Variants in RAB7A observed in about 807,000 individuals in gnomAD.
The protein encoded by RAB7A is RAB7A, member RAS oncogene family, also known as ras-related protein Rab-7a.
RAB7A carries 2 observed loss-of-function variants against 24.5 expected under a neutral mutation model. The ratio of observed to expected loss-of-function variants is 0.08; its 90% CI spans 0.03 to 0.26. RAB7A has a LOEUF of 0.26. RAB7A is among the 10% of genes least tolerant of loss of function. The pLI is 1.00. For missense variants in RAB7A, 118 were observed against 255.7 expected (o/e 0.46, Z 3.67); for synonymous variants, 100 against 95.9 (o/e 1.04, Z -0.25).
At chr3:128,764,561 C>T (rs1042685063) in intron 1 of RAB7A, 11 of 1,365,486 alleles carry the variant, frequency 8.1e-6, no homozygotes, top group South Asian at 3.5e-5. Flanking sequence ...AAGTTGGTCA[C>T]GTGGTCACCC....
At chr3:128,736,316 A>G (rs947009370) in intron 1 of RAB7A, among the ~76,000 whole-genome samples, 4 of 152,232 alleles carry the variant, frequency 2.6e-5, no homozygotes, top group African/African-American at 9.6e-5. Flanking sequence ...GCGGAAGAAC[A>G]GCCTTTGTAC....
intron 2 of RAB7A, among the ~76,000 whole-genome samples, chr3:128,795,912 C>T (rs913368097): frequency 4.0e-5 from 6 of 151,636 alleles, no homozygotes; most frequent in East Asian, 2.0e-4. Context: ...CCACCACGCC[C>T]GGCTAGTTTT....
intron 1 of RAB7A, among the ~76,000 whole-genome samples, chr3:128,773,985 TTG>T (rs1933018372): frequency 6.6e-6 from 1 of 151,490 alleles, no homozygotes; most frequent in African/African-American, 2.4e-5. Flanking sequence ...CCGGAGACCT[TTG>T]TTCACTTGTT....
chr3:128,813,629 T>C lies in RAB7A; in HGVS notation c.*207T>C. 1 of 594,452 alleles carries C rather than the reference T, an allele frequency of 1.7e-6. No individual in the cohort carries two copies. The highest frequency in any genetic ancestry group is 3.1e-6 in the Non-Finnish European group (1 of 322,092). The allele number at this position is 594,452 out of a possible 1,614,324, so 36.8% of individuals were successfully genotyped here. On this transcript the variant is annotated 3_prime_UTR_variant, in exon 6 of 6. Coordinates refer to ENST00000265062, the MANE Select transcript of RAB7A (RefSeq NM_004637.6). ...CACACACACACACACAGATCTGACG[T>C]AATCAAACTCCAGCCCTTGCCCGTG...
chr3:128,764,954 T>C, intron 1 of RAB7A: 2 of 1,596,440 alleles, frequency 1.3e-6, no homozygotes, highest in South Asian at 2.2e-5. Context: ...ATCTGGCCGT[T>C]GATGGCGGCC....
At chr3:128,813,219 A>G in intron 5 of RAB7A, 108 bp from the exon 6 acceptor site, 1 of 1,037,360 alleles carries the variant, frequency 9.6e-7, no homozygotes, top group South Asian at 1.3e-5. Flanking sequence ...CTCCCCGCCC[A>G]CTCTGCCCAA....
chr3:128,801,572 C>T (rs2107613701), intron 3 of RAB7A, among the ~76,000 whole-genome samples: 1 of 150,958 alleles, frequency 6.6e-6, no homozygotes, highest in African/African-American at 2.4e-5. Flanking sequence ...GAAAATGAAG[C>T]ACAATCAATG....
Position 128,726,371 on chromosome 3 carries a change from G to C in RAB7A, c.-9+12G>C, listed in dbSNP as rs1165177477. The C allele has an allele frequency of 1.3e-5, 2 of 152,452 alleles. No homozygotes were observed. Among genetic ancestry groups the C allele is most frequent in the Non-Finnish European group, 2.9e-5 (2 of 68,342 alleles). The allele number at this position is 152,452 out of a possible 1,614,324, so 9.4% of individuals were successfully genotyped here. ...GCGCAGCGGCCGCGGTAAGCAGCGG[G>C]CCCAGCCCGGCCGGCGGCCTGGCCC... On this transcript the variant is annotated intron_variant, in intron 1 of 5. Coordinates refer to ENST00000265062, the MANE Select transcript of RAB7A (RefSeq NM_004637.6).
At chr3:128,756,059 C>T (rs778114062) in intron 1 of RAB7A, among the ~76,000 whole-genome samples, 92 of 152,318 alleles carry the variant, frequency 6.0e-4, no homozygotes, top group Middle Eastern at 3.4e-3. Flanking sequence ...AACAACGGGC[C>T]GGGCACAGTG....
At chr3:128,797,908 T>G in intron 2 of RAB7A, 35 bp from the exon 3 acceptor site, 1 of 1,609,508 alleles carries the variant, frequency 6.2e-7, no homozygotes, top group Non-Finnish European at 8.5e-7. Context: ...GACCCTCCTA[T>G]TTGACTTATA....
intron 1 of RAB7A, among the ~76,000 whole-genome samples, chr3:128,746,510 T>A (rs556908448): frequency 3.5e-4 from 53 of 152,018 alleles, no homozygotes; most frequent in Middle Eastern, 3.4e-3. Context: ...ATTTATTTTT[T>A]TTATTTTTTT....
intron 1 of RAB7A, among the ~76,000 whole-genome samples, chr3:128,768,203 G>A (rs1372410420): frequency 1.3e-5 from 2 of 152,092 alleles, no homozygotes; most frequent in African/African-American, 4.8e-5. Flanking sequence ...TATTTGGGGG[G>A]GAGTATCTGG....
At chr3:128,729,762 C>T (rs2070416570) in intron 1 of RAB7A, among the ~76,000 whole-genome samples, 1 of 152,098 alleles carries the variant, frequency 6.6e-6, no homozygotes, top group Non-Finnish European at 1.5e-5. Context: ...TATTTATCTC[C>T]CCATTCATTT....
rs572797941 is a variant in RAB7A, at chr3:128,778,777, A to G, written c.-8-16583A>G. Among the ~76,000 whole-genome samples, 12 of 152,360 alleles carry G rather than the reference A, an allele frequency of 7.9e-5. No homozygotes were observed. The East Asian group carries it at 2.3e-3, about 29-fold the overall frequency. On this transcript the variant is annotated intron_variant, in intron 1 of 5. Coordinates refer to ENST00000265062, the MANE Select transcript of RAB7A (RefSeq NM_004637.6). The stretch of plus-strand genomic sequence containing the variant: ...CCAGAGGTAGGCAACCAAGAAGTTA[A>G]GGCATCTAGAAGCCATGTTGCTTGC...
At chr3:128,756,685 TC>T (rs2070732074) in intron 1 of RAB7A, among the ~76,000 whole-genome samples, 1 of 152,098 alleles carries the variant, frequency 6.6e-6, no homozygotes, top group Non-Finnish European at 1.5e-5. Flanking sequence ...TCATGGGATC[TC>T]CAGTAGCCAA....
chr3:128,763,711 G>T (rs1427606328), intron 1 of RAB7A, among the ~76,000 whole-genome samples: 1 of 152,078 alleles, frequency 6.6e-6, no homozygotes, highest in African/African-American at 2.4e-5. Flanking sequence ...ATACTTTGGT[G>T]CCATGTGGAT....
intron 1 of RAB7A, among the ~76,000 whole-genome samples, chr3:128,763,204 ATATATTTTTTTT>A (rs1321737032): frequency 1.5e-4 from 16 of 104,456 alleles, no homozygotes; most frequent in African/African-American, 7.7e-4. Context: ...ATATATATAT[ATATATTTTTTTT>A]TTTTTTTTTT....
At chr3:128,780,059 C>T (rs1933185517) in intron 1 of RAB7A, among the ~76,000 whole-genome samples, 1 of 152,212 alleles carries the variant, frequency 6.6e-6, no homozygotes, top group Non-Finnish European at 1.5e-5. Flanking sequence ...GATCATGTTC[C>T]TCCATGGGGG....
intron 3 of RAB7A, among the ~76,000 whole-genome samples, chr3:128,800,576 G>A (rs1286290113): frequency 1.3e-5 from 2 of 152,094 alleles, no homozygotes; most frequent in South Asian, 2.1e-4. Context: ...AAAGAATTCT[G>A]TGTAAGTCAT....
Sources: allele counts gnomAD v4.1 joint callset (sites outside exome capture counted in the v4.1 genomes callset), GRCh38; gene constraint gnomAD v4.1.1; transcripts MANE v1.5; gene names NCBI Gene and HGNC (gene_info 2026-07-23, HGNC 2026-07-21).